Variants in CSMD1 observed in about 807,000 individuals in gnomAD.
CSMD1 encodes CUB and Sushi multiple domains 1, also known as CUB and sushi domain-containing protein 1.
CSMD1 carries 213 observed loss-of-function variants against 417.5 expected under a neutral mutation model. The ratio of observed to expected loss-of-function variants is 0.51; its 90% CI spans 0.46 to 0.57. The LOEUF (loss-of-function observed/expected upper bound fraction) is 0.57, where lower values mean the gene tolerates loss of function less well. Among genes scored for constraint, CSMD1 ranks in the 20% least tolerant of loss-of-function variants. The pLI, the probability that CSMD1 is intolerant of heterozygous loss-of-function variation, is 0.00. For synonymous variants in CSMD1, 2,862 were observed against 1,736.8 expected, an observed-to-expected ratio of 1.65 and a Z score of -16.11; for missense variants, 6,923 against 4,529.7, an observed-to-expected ratio of 1.53 and a Z score of -15.17.
chr8:4,031,212 A>C (rs377683727), intron 4 of CSMD1, among the ~76,000 whole-genome samples: 6 of 152,310 alleles, frequency 3.9e-5, no homozygotes, highest in African/African-American at 1.4e-4. Flanking sequence ...TCCTGGTACC[A>C]ATCTATTGTA....
chr8:4,100,784 G>C (rs931748024), intron 3 of CSMD1, among the ~76,000 whole-genome samples: 4 of 152,128 alleles, frequency 2.6e-5, no homozygotes, highest in Admixed American at 6.5e-5. Flanking sequence ...CTTACCTTTA[G>C]AGTATGGTGC....
At chr8:4,442,853 G>A (rs924579260) in intron 2 of CSMD1, among the ~76,000 whole-genome samples, 8 of 152,100 alleles carry the variant, frequency 5.3e-5, no homozygotes, top group South Asian at 2.1e-4. Flanking sequence ...CATGATTTGA[G>A]ATGGGACTGT....
chr8:4,966,493 C>G (rs769451344), intron 1 of CSMD1, among the ~76,000 whole-genome samples: 1 of 152,104 alleles, frequency 6.6e-6, no homozygotes, highest in South Asian at 2.1e-4. Flanking sequence ...GGACACATCG[C>G]GAGGCCCTTA....
chr8:4,132,864 G>T (rs533458114), intron 3 of CSMD1, among the ~76,000 whole-genome samples: 1 of 152,254 alleles, frequency 6.6e-6, no homozygotes, highest in South Asian at 2.1e-4. Context: ...TAGGATATAT[G>T]AAATTTATTC....
chr8:4,687,951 A>T (rs1321787271), intron 1 of CSMD1, among the ~76,000 whole-genome samples: 3 of 152,166 alleles, frequency 2.0e-5, no homozygotes, highest in African/African-American at 4.8e-5. Context: ...CATCCTAGAC[A>T]TTTAACTCTA....
intron 3 of CSMD1, among the ~76,000 whole-genome samples, chr8:4,193,856 T>A (rs1799181584): frequency 6.6e-6 from 1 of 152,082 alleles, no homozygotes; most frequent in East Asian, 1.9e-4. Context: ...CCATTCATTC[T>A]TCAGCACCGA....
intron 3 of CSMD1, among the ~76,000 whole-genome samples, chr8:4,171,051 C>G (rs1244725952): frequency 6.6e-6 from 1 of 151,844 alleles, no homozygotes; most frequent in Admixed American, 6.5e-5. Context: ...TCTCTCCATC[C>G]TCATCTGTCA....
chr8:3,533,798 G>C (rs1405313473), intron 10 of CSMD1, among the ~76,000 whole-genome samples: 1 of 152,060 alleles, frequency 6.6e-6, no homozygotes, highest in Non-Finnish European at 1.5e-5. Context: ...ACAAAACCTG[G>C]AAAACATGAA....
chr8:4,478,534 C>T (rs760968603), intron 2 of CSMD1, among the ~76,000 whole-genome samples: 9 of 152,148 alleles, frequency 5.9e-5, no homozygotes, highest in Non-Finnish European at 1.0e-4. Context: ...AAATTTAATA[C>T]ACTGCCTTCC....
intron 2 of CSMD1, among the ~76,000 whole-genome samples, chr8:4,546,939 C>A (rs1797664796): frequency 1.3e-5 from 2 of 152,082 alleles, no homozygotes; most frequent in African/African-American, 2.4e-5. Context: ...TCTCCTCTGC[C>A]CCTACAGGAT....
At chr8:4,816,234 G>C (rs1173200502) in intron 1 of CSMD1, among the ~76,000 whole-genome samples, 2 of 151,888 alleles carry the variant, frequency 1.3e-5, no homozygotes, top group African/African-American at 4.8e-5. Context: ...GCCCAGTTTG[G>C]AGTGCAGTAG....
chr8:4,449,377 T>A (rs1400206915), intron 2 of CSMD1, among the ~76,000 whole-genome samples: 3 of 152,174 alleles, frequency 2.0e-5, no homozygotes, highest in Non-Finnish European at 4.4e-5. Flanking sequence ...ATGATTCTGG[T>A]GTATAACATA....
In CSMD1 at chr8:3,190,004, G is replaced by A. The variant is rs771790436; in HGVS notation, c.5306C>T (p.Pro1769Leu). Residue 1769 changes from proline (P) to leucine (L), a missense_variant, in exon 34 of 70, where the codon CCG becomes CTG. Pro to Leu is a moderately conservative substitution (Grantham distance 98). Coordinates refer to ENST00000635120, the MANE Select transcript of CSMD1 (RefSeq NM_033225.6). ...CGTGGAACCCTGAAGCAGGTATCCCGGGTTGCACTCGAATCGGACGATGGA... is the reference window on the plus strand; with the variant it reads ...CGTGGAACCCTGAAGCAGGTATCCCAGGTTGCACTCGAATCGGACGATGGA... The part of the protein sequence containing the change: ...AGSIVRFECN[P>L]GYLLQGSTAL... 1.9e-6 allele frequency: 3 copies of A among 1,598,860 alleles called. No homozygotes were observed. Among genetic ancestry groups the A allele is most frequent in the East Asian group, 4.5e-5 (2 of 44,208 alleles).
At chr8:4,794,521 C>T (rs1797866387) in intron 1 of CSMD1, among the ~76,000 whole-genome samples, 1 of 152,108 alleles carries the variant, frequency 6.6e-6, no homozygotes, top group Admixed American at 6.5e-5. Flanking sequence ...CTCTCCTCTC[C>T]ATCTCTGCCT....
At chr8:2,997,890 G>T in intron 54 of CSMD1, 121 bp downstream of exon 54, 1 of 901,142 alleles carries the variant, frequency 1.1e-6, no homozygotes, top group Non-Finnish European at 1.6e-6. Context: ...CCTGAATGGT[G>T]AGAGTTTGCA....
chr8:4,963,773 T>C (rs906192052), intron 1 of CSMD1, among the ~76,000 whole-genome samples: 1 of 152,168 alleles, frequency 6.6e-6, no homozygotes, highest in African/African-American at 2.4e-5. Context: ...TAACATGACT[T>C]TCATGGCAAC....
In CSMD1 at chr8:3,777,976, T is replaced by G. The variant is rs113704469; in HGVS notation, c.819-23934A>C. Reference sequence around the variant, plus strand: ...CTCCAGACCTGCAGCCTCCTTGAAGTGCAGAGTCTCAGTACCCACTCCAGA... The same window carrying G: ...CTCCAGACCTGCAGCCTCCTTGAAGGGCAGAGTCTCAGTACCCACTCCAGA... On this transcript the variant is annotated intron_variant, in intron 5 of 69. Transcript: ENST00000635120. Among the ~76,000 whole-genome samples the G allele has an allele frequency of 3.5e-3, 527 of 151,914 alleles. 8 individuals carry two copies. The highest frequency in any genetic ancestry group is 0.012 in the African/African-American group (509 of 41,422).
At chr8:4,259,494 G>C (rs926766590) in intron 3 of CSMD1, among the ~76,000 whole-genome samples, 10 of 151,230 alleles carry the variant, frequency 6.6e-5, no homozygotes, top group East Asian at 3.9e-4. Context: ...CATACATAAA[G>C]TTTATGGCCC....
chr8:3,542,713 C>G, intron 10 of CSMD1, among the ~76,000 whole-genome samples: 1 of 152,324 alleles, frequency 6.6e-6, no homozygotes, highest in Middle Eastern at 3.4e-3. Flanking sequence ...GTCAAATGTG[C>G]TGGGGATGCT....
Sources: gnomAD v4.1 joint callset for allele counts (sites outside exome capture counted in the v4.1 genomes callset) on GRCh38, gnomAD v4.1.1 for gene constraint, MANE v1.5 for transcripts, NCBI Gene and HGNC (gene_info 2026-07-23, HGNC 2026-07-21) for gene names.